The following ST7 variants were observed in gnomAD, a reference collection of about 807,000 sequenced individuals.
ST7 encodes the protein suppressor of tumorigenicity 7 protein.
A neutral mutation model predicts 78.7 loss-of-function variants in ST7; 28 were observed. The observed-to-expected ratio is 0.36, with a 90% CI of 0.26 to 0.49. ST7 has a LOEUF of 0.49. Ranked by LOEUF, ST7 falls within the 20% of genes least tolerant of loss-of-function variation. The probability of loss-of-function intolerance (pLI) is 0.99; values close to 1 mark genes in which losing one functional copy is unlikely to be tolerated. For missense variants in ST7, 418 were observed against 696.0 expected (o/e 0.60, Z 4.49); for synonymous variants, 247 against 249.6 (o/e 0.99, Z 0.10).
At chr7:117,113,885 T>C (rs1345969243) in intron 2 of ST7, among the ~76,000 whole-genome samples, 1 of 152,044 alleles carries the variant, frequency 6.6e-6, no homozygotes, top group Non-Finnish European at 1.5e-5. Flanking sequence ...TTCTCAGTGG[T>C]CTCCAGGGCT....
intron 10 of ST7, among the ~76,000 whole-genome samples, chr7:117,176,574 G>A (rs1158352795): frequency 6.6e-6 from 1 of 152,142 alleles, no homozygotes; most frequent in Non-Finnish European, 1.5e-5. Flanking sequence ...ATTTCCCAAG[G>A]CCTTATAACT....
At chr7:117,229,656 CT>C in intron 15 of ST7, 105 bp from the exon 16 acceptor site, 1 of 921,388 alleles carries the variant, frequency 1.1e-6, no homozygotes, top group Non-Finnish European at 1.7e-6. Context: ...CCTTTTGAGA[CT>C]TTCGTAATGC....
chr7:117,222,791 A>C, intron 15 of ST7: 2 of 1,174,200 alleles, frequency 1.7e-6, no homozygotes, highest in South Asian at 2.4e-5. Context: ...AACTCCATTC[A>C]GATTTCAAGG....
At chr7:117,126,483 T>C (rs950346102) in intron 3 of ST7, among the ~76,000 whole-genome samples, 3 of 151,902 alleles carry the variant, frequency 2.0e-5, no homozygotes, top group African/African-American at 7.2e-5. Flanking sequence ...TGCCAGTTAG[T>C]TCAATACCCT....
intron 15 of ST7, among the ~76,000 whole-genome samples, chr7:117,225,786 C>T (rs1029107244): frequency 6.6e-6 from 1 of 152,178 alleles, no homozygotes; most frequent in African/African-American, 2.4e-5. Flanking sequence ...AGCATGTTTA[C>T]TTGGTGACCA....
chr7:117,073,686 G>T (rs1482918291), intron 1 of ST7: 2 of 152,170 alleles, frequency 1.3e-5, no homozygotes, highest in Non-Finnish European at 2.9e-5. Context: ...GTAAAAGGGG[G>T]ACAGTAGTAG....
intron 9 of ST7, among the ~76,000 whole-genome samples, chr7:117,141,658 TTTTTC>T (rs1805308538): frequency 6.6e-6 from 1 of 151,930 alleles, no homozygotes; most frequent in African/African-American, 2.4e-5. Flanking sequence ...TCTTTCTTTC[TTTTTC>T]TTTTCTTTTT....
chr7:117,091,509 C>T (rs1170819627), intron 1 of ST7, among the ~76,000 whole-genome samples: 2 of 152,080 alleles, frequency 1.3e-5, no homozygotes, highest in Non-Finnish European at 2.9e-5. Flanking sequence ...TTTGCAAAGA[C>T]AGTTACATGC....
chr7:117,059,723 C>G (rs1256876020), intron 1 of ST7, among the ~76,000 whole-genome samples: 2 of 146,818 alleles, frequency 1.4e-5, no homozygotes, highest in African/African-American at 5.1e-5. Context: ...GTAATCCCAG[C>G]ACTTTGGGAG....
intron 1 of ST7, among the ~76,000 whole-genome samples, chr7:117,083,754 A>G (rs1799949860): frequency 6.6e-6 from 1 of 152,196 alleles, no homozygotes; most frequent in South Asian, 2.1e-4. Flanking sequence ...CTTAATTCTC[A>G]AGAAAGAAAA....
intron 1 of ST7, among the ~76,000 whole-genome samples, chr7:117,001,629 A>G (rs1408457264): frequency 6.6e-6 from 1 of 152,228 alleles, no homozygotes; most frequent in African/African-American, 2.4e-5. Flanking sequence ...GGAAGAAGGT[A>G]TATCTTATGT....
intron 2 of ST7, among the ~76,000 whole-genome samples, chr7:117,102,726 AG>A (rs372712187): frequency 2.0e-5 from 3 of 152,226 alleles, no homozygotes; most frequent in African/African-American, 7.2e-5. Context: ...AGTAATGAAA[AG>A]GGGAGATCAG....
intron 3 of ST7, 51 bp from the exon 4 acceptor site, chr7:117,129,742 G>A: frequency 1.4e-6 from 2 of 1,381,634 alleles, no homozygotes; most frequent in Non-Finnish European, 2.1e-6. Flanking sequence ...TAATTAGCTT[G>A]TAGTGTCACT....
intron 12 of ST7, among the ~76,000 whole-genome samples, chr7:117,203,600 T>C (rs1811073655): frequency 6.6e-6 from 1 of 152,240 alleles, no homozygotes; most frequent in African/African-American, 2.4e-5. Flanking sequence ...ATTGATGTTT[T>C]CATTTTTCTG....
intron 1 of ST7, among the ~76,000 whole-genome samples, chr7:116,965,128 A>G (rs902490458): frequency 2.6e-5 from 4 of 152,300 alleles, no homozygotes; most frequent in Admixed American, 2.6e-4. Context: ...TCATGAGGTC[A>G]GGAGATTGAG....
intron 13 of ST7, among the ~76,000 whole-genome samples, chr7:117,213,004 ATAG>A (rs1445094858): frequency 6.6e-6 from 1 of 152,210 alleles, no homozygotes; most frequent in Non-Finnish European, 1.5e-5. Context: ...TCAGCTACTT[ATAG>A]TAGCATTTAC....
intron 14 of ST7, 125 bp from the exon 15 acceptor site, chr7:117,221,798 A>AT (rs1351626538): frequency 6.2e-6 from 7 of 1,129,478 alleles, no homozygotes; most frequent in East Asian, 2.8e-5. Context: ...CAGGTGTGCT[A>AT]TTTTTTCATT....
chr7:117,027,179 C>G (rs1206002464), intron 1 of ST7, among the ~76,000 whole-genome samples: 2 of 152,240 alleles, frequency 1.3e-5, no homozygotes, highest in Non-Finnish European at 2.9e-5. Flanking sequence ...CACAGTGGCT[C>G]ACGCCTGTAA....
At chr7:117,161,578 G>GT (rs1186098982) in intron 9 of ST7, among the ~76,000 whole-genome samples, 1 of 124,816 alleles carries the variant, frequency 8.0e-6, no homozygotes, top group Non-Finnish European at 1.7e-5. Flanking sequence ...TTTTCAGTTT[G>GT]TTTTCTTTCT....
Sources: gnomAD v4.1 joint callset for allele counts (sites outside exome capture counted in the v4.1 genomes callset) on GRCh38, gnomAD v4.1.1 for gene constraint, MANE v1.5 for transcripts, NCBI Gene and HGNC (gene_info 2026-07-23, HGNC 2026-07-21) for gene names.